The following TRPC6 variants were observed in gnomAD, a reference collection of about 807,000 sequenced individuals.
TRPC6 encodes transient receptor potential cation channel subfamily C member 6, also known as short transient receptor potential channel 6.
TRPC6 carries 55 observed loss-of-function variants against 90.7 expected under a neutral mutation model. The ratio of observed to expected loss-of-function variants is 0.61; its 90% CI spans 0.49 to 0.76. TRPC6 has a LOEUF of 0.76. TRPC6 is among the 30% of genes least tolerant of loss of function. TRPC6 has a pLI of 0.00. For synonymous variants in TRPC6, 393 were observed against 393.0 expected (o/e 1.00, Z 0.00); for missense variants, 989 against 1,122.7 (o/e 0.88, Z 1.70).
At chr11:101,468,362 G>A (rs530376083) in intron 10 of TRPC6, among the ~76,000 whole-genome samples, 1 of 152,098 alleles carries the variant, frequency 6.6e-6, no homozygotes, top group Non-Finnish European at 1.5e-5. Context: ...GGTTAGAAAG[G>A]AAGCTGGGAG....
intron 1 of TRPC6, among the ~76,000 whole-genome samples, chr11:101,530,574 CAAG>C (rs1860888557): frequency 6.6e-6 from 1 of 152,158 alleles, no homozygotes; most frequent in Non-Finnish European, 1.5e-5. Context: ...TCCCAGGAAC[CAAG>C]AAGAAGCCAC....
intron 2 of TRPC6, among the ~76,000 whole-genome samples, chr11:101,492,401 T>C (rs1279107265): frequency 1.3e-5 from 2 of 152,064 alleles, no homozygotes; most frequent in Non-Finnish European, 2.9e-5. Flanking sequence ...CTGAGCAACA[T>C]GGCAAAACCT....
At chr11:101,527,911 A>C (rs914227801) in intron 1 of TRPC6, among the ~76,000 whole-genome samples, 3 of 152,070 alleles carry the variant, frequency 2.0e-5, no homozygotes, top group Non-Finnish European at 4.4e-5. Context: ...GTCTCTACTA[A>C]AAATTAAAAA....
chr11:101,453,196 T>G, intron 12 of TRPC6, 90 bp from the exon 13 acceptor site: 4 of 1,249,086 alleles, frequency 3.2e-6, no homozygotes, highest in Non-Finnish European at 4.7e-6. Flanking sequence ...CAGCTCTAAT[T>G]TCACACACAA....
intron 1 of TRPC6, among the ~76,000 whole-genome samples, chr11:101,559,807 C>T (rs1437659473): frequency 1.4e-5 from 2 of 139,596 alleles, no homozygotes; most frequent in African/African-American, 2.7e-5. Flanking sequence ...ACAACAGGCC[C>T]CGGTGTGTGA....
intron 4 of TRPC6, among the ~76,000 whole-genome samples, chr11:101,486,244 T>G (rs1859677338): frequency 6.6e-6 from 1 of 152,134 alleles, no homozygotes; most frequent in African/African-American, 2.4e-5. Flanking sequence ...CATCTCTCAC[T>G]AGACTTTAGG....
At position 101,583,404 on chromosome 11, in the gene TRPC6, T is replaced by C. The variant is rs747266503; in HGVS notation, c.100A>G (p.Met34Val). ...CCGTCTTCTCCCAGCTCCGAGTCCA[T>C]GAGCAGATAGTCCTGGCTCTCGTTG... Reference protein sequence around the residue: ...RRNESQDYLLMDSELGEDGCP... With the variant: ...RRNESQDYLLVDSELGEDGCP... Residue 34 changes from methionine to valine, a missense_variant, in exon 1 of 13, where the codon ATG (methionine) becomes GTG (valine). Transcript: ENST00000344327. 1.3e-6 allele frequency: 2 copies of C among 1,586,438 alleles called. No homozygotes were observed. The highest frequency in any genetic ancestry group is 1.7e-6 in the Non-Finnish European group (2 of 1,166,228).
At chr11:101,476,232 C>A (rs1859414500) in intron 6 of TRPC6, 69 bp downstream of exon 6, 1 of 1,311,930 alleles carries the variant, frequency 7.6e-7, no homozygotes, top group Non-Finnish European at 1.1e-6. Flanking sequence ...AGTAACCGAA[C>A]TACTACTGAC....
At chr11:101,453,584 C>A (rs752337357) in intron 12 of TRPC6, 66 bp downstream of exon 12, 23 of 1,452,884 alleles carry the variant, frequency 1.6e-5, no homozygotes, top group Non-Finnish European at 2.2e-5. Context: ...GCTCTCCAGG[C>A]ACTCTGCGCT....
At chr11:101,525,459 G>A (rs1253404034) in intron 1 of TRPC6, among the ~76,000 whole-genome samples, 1 of 152,222 alleles carries the variant, frequency 6.6e-6, no homozygotes, top group Non-Finnish European at 1.5e-5. Context: ...AAAGGAGGAA[G>A]TAAAGGGAAG....
intron 6 of TRPC6, among the ~76,000 whole-genome samples, chr11:101,475,893 TGTGCATATATACACACAC>T (rs1859404137): frequency 1.3e-5 from 2 of 151,538 alleles, no homozygotes; most frequent in African/African-American, 4.8e-5. Flanking sequence ...TATACACGTG[TGTGCATATATACACACAC>T]GTGTATATAT....
chr11:101,552,959 C>A (rs1041617925), intron 1 of TRPC6, among the ~76,000 whole-genome samples: 1 of 152,010 alleles, frequency 6.6e-6, no homozygotes, highest in Non-Finnish European at 1.5e-5. Flanking sequence ...AATGTTTATT[C>A]TTTTATCAGA....
intron 1 of TRPC6, among the ~76,000 whole-genome samples, chr11:101,542,547 T>C (rs1401433542): frequency 6.6e-6 from 1 of 152,000 alleles, no homozygotes; most frequent in Non-Finnish European, 1.5e-5. Context: ...TCCTGCATTT[T>C]ACCCAGAATG....
chr11:101,504,434 C>T lies in TRPC6; in HGVS notation c.535G>A (p.Ala179Thr), dbSNP rs1336834471. 6.2e-7 allele frequency: 1 copy of T among 1,613,972 alleles called. No individual in the cohort carries two copies. Among genetic ancestry groups the T allele is most frequent in the Non-Finnish European group, 8.5e-7 (1 of 1,180,008 alleles). Reference protein sequence around the residue: ...ISKGYVRIVEAILSHPAFAEG... With the variant: ...ISKGYVRIVETILSHPAFAEG... Reference sequence around the variant, plus strand: ...GCAAAAGCCGGATGACTGAGAATTGCTTCCACAATCCGAACATAACCTTTA... The same window carrying T: ...GCAAAAGCCGGATGACTGAGAATTGTTTCCACAATCCGAACATAACCTTTA... The change falls in exon 2 of 13, where the codon GCA becomes ACA. Residue 179 changes from alanine (A) to threonine (T), a missense_variant. Ala to Thr is a moderately conservative substitution (Grantham distance 58, BLOSUM62 0). Around this residue, in one of 4 missense-constraint regions of TRPC6, gnomAD observed 486 missense variants for 591.9 expected, o/e 0.82. Transcript: ENST00000344327.
Position 101,504,725 on chromosome 11 carries a change from G to T in TRPC6, c.244C>A (p.Arg82=). 6.3e-7 allele frequency: 1 copy of T among 1,595,990 alleles called. No individual in the cohort carries two copies. The highest frequency in any genetic ancestry group is 1.1e-5 in the South Asian group (1 of 88,188). Residue 82 remains arginine (R), a synonymous_variant, in exon 2 of 13, where the codon CGA becomes AGA. Coordinates refer to ENST00000344327, the MANE Select transcript of TRPC6 (RefSeq NM_004621.6). ...LREKGRRLAN[R]GPAYMFSDRS... ...TCACTAAACATGTATGCTGGTCCTC[G>T]ATTAGCTAACCTTCTCCCCTTCTCA...
At chr11:101,576,311 G>A (rs1862068897) in intron 1 of TRPC6, among the ~76,000 whole-genome samples, 1 of 152,150 alleles carries the variant, frequency 6.6e-6, no homozygotes, top group Admixed American at 6.5e-5. Context: ...CACAGAAACA[G>A]CAACTTACAT....
intron 10 of TRPC6, among the ~76,000 whole-genome samples, chr11:101,460,676 T>C (rs1465933135): frequency 1.3e-5 from 2 of 152,192 alleles, no homozygotes; most frequent in Non-Finnish European, 2.9e-5. Context: ...AACCATCTCC[T>C]TGGAATATTC....
chr11:101,496,350 G>C (rs1286672994), intron 2 of TRPC6, among the ~76,000 whole-genome samples: 1 of 152,074 alleles, frequency 6.6e-6, no homozygotes, highest in Admixed American at 6.6e-5. Flanking sequence ...GTGTAACTCT[G>C]GGGCTCTTCT....
intron 1 of TRPC6, among the ~76,000 whole-genome samples, chr11:101,520,627 G>A (rs1364567573): frequency 2.0e-5 from 3 of 152,172 alleles, no homozygotes; most frequent in African/African-American, 7.2e-5. Flanking sequence ...ACACGAAGAT[G>A]AGGAAAGATT....
Sources: allele counts gnomAD v4.1 joint callset (sites outside exome capture counted in the v4.1 genomes callset), GRCh38; gene constraint gnomAD v4.1.1; regional missense constraint gnomAD v4.1.1; transcripts MANE v1.5; gene names NCBI Gene and HGNC (gene_info 2026-07-23, HGNC 2026-07-21).